The following PKD1 variants were observed in gnomAD, a reference collection of about 807,000 sequenced individuals.
The protein encoded by PKD1 is polycystin-1.
A neutral mutation model predicts 361.7 loss-of-function variants in PKD1; 81 were observed. The ratio of observed to expected loss-of-function variants is 0.22; its 90% CI spans 0.19 to 0.27. The LOEUF (loss-of-function observed/expected upper bound fraction) is 0.27, where lower values mean the gene tolerates loss of function less well. PKD1 is among the 10% of genes least tolerant of loss of function. PKD1 has a pLI of 1.00. For missense variants in PKD1, 6,399 were observed against 6,118.3 expected, an observed-to-expected ratio of 1.05 and a Z score of -1.53; for synonymous variants, 3,615 against 2,818.3, an observed-to-expected ratio of 1.28 and a Z score of -8.95.
At position 2,108,713 on chromosome 16, in the gene PKD1, C is replaced by T. The variant is rs2092424302; in HGVS notation, c.6454G>A (p.Asp2152Asn). 6.4e-7 allele frequency: 1 copy of T among 1,570,570 alleles called. No homozygotes were observed. Among genetic ancestry groups the T allele is most frequent in the Non-Finnish European group, 8.6e-7 (1 of 1,158,836 alleles). Residue 2152 changes from aspartate to asparagine, a missense_variant, in exon 15 of 46, where the codon GAC (aspartate) becomes AAC (asparagine). By Grantham distance (23) the Asp-to-Asn change is conservative. Transcript: ENST00000262304. ...AGCACCTGCAGGGGCAGGACCACGTCCACCTCCGGCTCCCGGCAGGCCAGC... is the reference window on the plus strand; with the variant it reads ...AGCACCTGCAGGGGCAGGACCACGTTCACCTCCGGCTCCCGGCAGGCCAGC... ...QVLACREPEV[D>N]VVLPLQVLMR...
At position 2,108,807 on chromosome 16, in the gene PKD1, G is replaced by A. The variant is rs1404404094; in HGVS notation, c.6360C>T (p.Tyr2120=). 5 of 1,568,144 alleles carry A rather than the reference G, an allele frequency of 3.2e-6. No individual in the cohort carries two copies. The East Asian group carries it at 9.5e-5, about 30-fold the overall frequency. Reference sequence around the variant, plus strand: ...GGTTGGAGGCGTTCACCTGCACGCGGTAGTCCCCAGGCCTCAGGTAGGAGT... The same window carrying A: ...GGTTGGAGGCGTTCACCTGCACGCGATAGTCCCCAGGCCTCAGGTAGGAGT... ...AEHSYLRPGD[Y]RVQVNASNLV... Residue 2120 remains tyrosine, a synonymous_variant, in exon 15 of 46, where the codon TAC becomes TAT. Coordinates refer to ENST00000262304, the MANE Select transcript of PKD1 (RefSeq NM_001009944.3).
At chr16:2,103,008 G>C in intron 23 of PKD1, 38 bp from the exon 24 acceptor site, 1 of 1,596,922 alleles carries the variant, frequency 6.3e-7, no homozygotes, top group Non-Finnish European at 8.5e-7. Flanking sequence ...CTGCCGGGAA[G>C]CTCAACCACC....
rs1167102763 is a variant in PKD1, at chr16:2,110,795, C to T, written c.4372G>A (p.Ala1458Thr). Reference sequence around the variant, plus strand: ...ACGGGCTCCTGCACCTCCACCAGGGCTGAGTCATTGGCAGCAGAGATGTTG... The same window carrying T: ...ACGGGCTCCTGCACCTCCACCAGGGTTGAGTCATTGGCAGCAGAGATGTTG... Reference protein sequence around the residue: ...SNNISAANDSALVEVQEPVLV... With the variant: ...SNNISAANDSTLVEVQEPVLV... Residue 1458 changes from alanine to threonine, a missense_variant, in exon 15 of 46, where the codon GCC (alanine) becomes ACC (threonine). Coordinates refer to ENST00000262304, the MANE Select transcript of PKD1 (RefSeq NM_001009944.3). The T allele has an allele frequency of 1.2e-6, 2 of 1,611,180 alleles. No homozygotes were observed. The highest frequency in any genetic ancestry group is 1.3e-5 in the African/African-American group (1 of 74,878).
intron 1 of PKD1, among the ~76,000 whole-genome samples, chr16:2,120,702 G>A (rs1255775800): frequency 6.6e-6 from 1 of 151,904 alleles, no homozygotes; most frequent in Admixed American, 6.6e-5. Flanking sequence ...ACCCGGTCTC[G>A]AAAGAAAACA....
chr16:2,097,348 T>C lies in PKD1; in HGVS notation c.10376A>G (p.Tyr3459Cys), dbSNP rs753414869. 4 of 1,612,526 alleles carry C rather than the reference T, an allele frequency of 2.5e-6. No individual in the cohort carries two copies. The highest frequency in any genetic ancestry group is 2.2e-5 in the South Asian group (2 of 91,056). Residue 3459 changes from tyrosine (Y) to cysteine (C), a missense_variant, in exon 33 of 46, where the codon TAC (tyrosine) becomes TGC (cysteine). By Grantham distance (194) the Tyr-to-Cys change is radical. Transcript: ENST00000262304. ...EEDGFSLASP[Y>C]SPAKSFSASD... is the part of the protein sequence containing the mutation. Reference sequence around the variant, plus strand: ...TGCTGAGAAGGATTTGGCAGGCGAGTAGGGGCTGGCCAGGGAGAAGCCGTC... The same window carrying C: ...TGCTGAGAAGGATTTGGCAGGCGAGCAGGGGCTGGCCAGGGAGAAGCCGTC...
intron 1 of PKD1, among the ~76,000 whole-genome samples, chr16:2,129,645 G>T (rs550406789): frequency 6.7e-6 from 1 of 149,318 alleles, no homozygotes; most frequent in South Asian, 2.1e-4. Context: ...TGACCTCCTC[G>T]GCTCAAGTGA....
At position 2,102,629 on chromosome 16, in the gene PKD1, T is replaced by C. The variant is rs373952574; in HGVS notation, c.8953A>G (p.Arg2985Gly). The C allele has an allele frequency of 6.8e-6, 11 of 1,610,974 alleles. No individual in the cohort carries two copies. The East Asian group carries it at 8.9e-5, about 13-fold the overall frequency. Residue 2985 changes from arginine to glycine, a missense_variant, in exon 25 of 46, where the codon AGA becomes GGA. Coordinates refer to ENST00000262304, the MANE Select transcript of PKD1 (RefSeq NM_001009944.3). ...AGATGGTAACTCCCCGCTGGGTCTC[T>C]GCTCCTGGGCAGGGAAGGGGTAGCG... is the stretch of plus-strand genomic sequence containing the variant. ...PYTFFISPGS[R>G]DPAGSYHLNL...
In PKD1 at chr16:2,114,863, G is replaced by A. The variant is rs766044165; in HGVS notation, c.2160C>T (p.Asp720=). 177 of 1,507,284 alleles carry A rather than the reference G, an allele frequency of 1.2e-4. No individual in the cohort carries two copies. Among genetic ancestry groups the A allele is most frequent in the Middle Eastern group, 6.9e-4 (3 of 4,326 alleles). 93.4% of individuals were successfully genotyped at this position (1,507,284 alleles called of 1,614,324 possible). Residue 720 remains aspartate (D), a synonymous_variant, in exon 11 of 46, where the codon GAC becomes GAT. Transcript: ENST00000262304. ...AGTGCAGGAGGGCGCCAGGGCCAGC[G>A]TCGTGCTGCAAGCCAACGAGGTCAC... ...LPGDLVGLQH[D]AGPGALLHCS...
At chr16:2,092,409 G>T (rs1167171956) in intron 39 of PKD1, 71 bp downstream of exon 39, 1 of 1,146,088 alleles carries the variant, frequency 8.7e-7, no homozygotes, top group Non-Finnish European at 1.3e-6. Flanking sequence ...GCTGATGCCA[G>T]AGCTCCGCTA....
intron 34 of PKD1, 32 bp from the exon 35 acceptor site, chr16:2,094,242 C>A (rs750567974): frequency 9.4e-6 from 13 of 1,384,380 alleles, no homozygotes; most frequent in Admixed American, 3.4e-5. Flanking sequence ...GAATTCATCC[C>A]GGCCTCCAGG....
chr16:2,114,509 C>T lies in PKD1; in HGVS notation c.2514G>A (p.Val838=), dbSNP rs1447865244. ...YPAPRDGRLY[V]PTNGSALVLQ... ...GCACCAAGGCTGAGCCGTTGGTGGG[C>T]ACGTAGAGGCGGCCGTCGCGGGGGG... Residue 838 remains valine (V), a synonymous_variant, in exon 11 of 46, where the codon GTG becomes GTA. Transcript: ENST00000262304. 1.3e-6 allele frequency: 2 copies of T among 1,595,670 alleles called. No individual in the cohort carries two copies. The highest frequency in any genetic ancestry group is 1.1e-5 in the South Asian group (1 of 90,868).
At chr16:2,123,236 C>G (rs1477544070) in intron 1 of PKD1, among the ~76,000 whole-genome samples, 1 of 152,150 alleles carries the variant, frequency 6.6e-6, no homozygotes, top group Non-Finnish European at 1.5e-5. Context: ...AGAAATGCAG[C>G]AAGGTCTTGG....
In PKD1 at chr16:2,097,717, A is replaced by C. The variant is rs770315608; in HGVS notation, c.10220+11T>G. ...CTGCACCAGGGCTCGAGGTTTCTCTAGGGAACCCACCTCTTAGAATCATCC... is the reference window on the plus strand; with the variant it reads ...CTGCACCAGGGCTCGAGGTTTCTCTCGGGAACCCACCTCTTAGAATCATCC... On this transcript the variant is annotated intron_variant, in intron 32 of 45. Transcript: ENST00000262304. 9.9e-6 allele frequency: 16 copies of C among 1,610,988 alleles called. No individual in the cohort carries two copies. Among genetic ancestry groups the C allele is most frequent in the Non-Finnish European group, 1.4e-5 (16 of 1,179,772 alleles).
Position 2,114,391 on chromosome 16 carries a change from C to T in PKD1, c.2632G>A (p.Val878Met), listed in dbSNP as rs1359169214. 1 of 1,607,994 alleles carries T rather than the reference C, an allele frequency of 6.2e-7. No individual in the cohort carries two copies. Among genetic ancestry groups the T allele is most frequent in the South Asian group, 1.1e-5 (1 of 90,984 alleles). ...ARFENVCPALVATFVPGCPWE... is the reference protein window; with the variant it reads ...ARFENVCPALMATFVPGCPWE... ...GGGCAGCCGGGCACGAAGGTGGCCA[C>T]CAGGGCAGGGCAGACATTCTCAAAG... Residue 878 changes from valine (V) to methionine (M), a missense_variant, in exon 11 of 46, where the codon GTG (valine) becomes ATG (methionine). Val to Met is a conservative substitution (Grantham distance 21). Transcript: ENST00000262304.
Position 2,115,989 on chromosome 16 carries a change from C to G in PKD1, c.1849+3G>C. The G allele has an allele frequency of 1.3e-6, 2 of 1,547,542 alleles. No individual in the cohort carries two copies. The highest frequency in any genetic ancestry group is 1.7e-6 in the Non-Finnish European group (2 of 1,146,018). Reference sequence around the variant, plus strand: ...ACCCACCACCCACCACCCAGAGTCCCACCTGCTGTGCTGAGGAGCCGGTAC... The same window carrying G: ...ACCCACCACCCACCACCCAGAGTCCGACCTGCTGTGCTGAGGAGCCGGTAC... On this transcript the variant is annotated splice_donor_region_variant and intron_variant, in intron 9 of 45. Coordinates refer to ENST00000262304, the MANE Select transcript of PKD1 (RefSeq NM_001009944.3).
chr16:2,124,929 G>A (rs2092775220), intron 1 of PKD1, among the ~76,000 whole-genome samples: 1 of 152,146 alleles, frequency 6.6e-6, no homozygotes, highest in South Asian at 2.1e-4. Flanking sequence ...GGAGGAGCTG[G>A]TTCCCCTCCG....
rs2091301747 is a variant in PKD1, at chr16:2,089,067, C to G, written c.*660G>C. 1 of 187,216 alleles carries G rather than the reference C, an allele frequency of 5.3e-6. No individual in the cohort carries two copies. The highest frequency in any genetic ancestry group is 5.4e-5 in the Admixed American group (1 of 18,580). 11.6% of individuals were successfully genotyped at this position (187,216 alleles called of 1,614,324 possible). On this transcript the variant is annotated 3_prime_UTR_variant, in exon 46 of 46. Transcript: ENST00000262304. ...CTGGGGCAAGGGAGGATGACAAGGC[C>G]TCTGGGGTGATGAGAGTGCCTGGCA... is the stretch of plus-strand genomic sequence containing the variant.
intron 26 of PKD1, 178 bp downstream of exon 26, chr16:2,101,883 G>C: frequency 3.1e-6 from 2 of 637,630 alleles, no homozygotes; most frequent in Non-Finnish European, 5.7e-6. Flanking sequence ...AGCTGTCCTA[G>C]TCCTCAGGGA....
At position 2,105,953 on chromosome 16, in the gene PKD1, G is replaced by A. The variant is rs1458197743; in HGVS notation, c.7775C>T (p.Thr2592Ile). Reference protein sequence around the residue: ...TGLTVWLHGLTASVLPGLLRQ... With the variant: ...TGLTVWLHGLIASVLPGLLRQ... ...CAGCAGCCCTGGGAGCACACTAGCGGTGAGCCCGTGCAGCCAGACTGTGAG... is the reference window on the plus strand; with the variant it reads ...CAGCAGCCCTGGGAGCACACTAGCGATGAGCCCGTGCAGCCAGACTGTGAG... The change falls in exon 20 of 46, where the codon ACC becomes ATC. Residue 2592 changes from threonine to isoleucine, a missense_variant. By Grantham distance (89) the Thr-to-Ile change is moderately conservative (BLOSUM62 -1). Transcript: ENST00000262304. 1.1e-5 allele frequency: 18 copies of A among 1,599,302 alleles called. No individual in the cohort carries two copies. The Middle Eastern group carries it at 6.7e-4, about 60-fold the overall frequency.
Sources: allele counts gnomAD v4.1 joint callset (sites outside exome capture counted in the v4.1 genomes callset), GRCh38; gene constraint gnomAD v4.1.1; transcripts MANE v1.5; gene names NCBI Gene and HGNC (gene_info 2026-07-23, HGNC 2026-07-21).